The following PTPRK variants were observed in gnomAD, a reference collection of about 807,000 sequenced individuals.
PTPRK encodes the protein receptor-type tyrosine-protein phosphatase kappa.
Under a neutral mutation model 178.0 loss-of-function variants are expected in PTPRK, and 75 were observed. The observed-to-expected ratio is 0.42, with a 90% CI of 0.35 to 0.51. The LOEUF is 0.51. PTPRK is among the 20% of genes least tolerant of loss of function. The probability of loss-of-function intolerance (pLI) is 0.02; values close to 1 mark genes in which losing one functional copy is unlikely to be tolerated. For missense variants in PTPRK, 1,441 were observed against 1,797.8 expected (o/e 0.80, Z 3.59); for synonymous variants, 637 against 620.6 (o/e 1.03, Z -0.39).
Position 128,209,085 on chromosome 6 carries a change from C to G in PTPRK, c.868+9837G>C, listed in dbSNP as rs182585031. On this transcript the variant is annotated intron_variant, in intron 6 of 29. Coordinates refer to ENST00000368226, the MANE Select transcript of PTPRK (RefSeq NM_002844.4). ...TCATTCTTTCTACCATAACCACCCC[C>G]CCCAGGAACACTTATCACTTATCAT... 2.2e-4 allele frequency among the ~76,000 whole-genome samples: 34 copies of G among 152,098 alleles called. No homozygotes were observed. The East Asian group carries it at 6.6e-3, about 30-fold the overall frequency.
At chr6:128,314,746 G>T (rs1474116961) in intron 3 of PTPRK, among the ~76,000 whole-genome samples, 1 of 151,776 alleles carries the variant, frequency 6.6e-6, no homozygotes, top group Non-Finnish European at 1.5e-5. Context: ...ACATGAACAT[G>T]TGATAATGGA....
At chr6:128,477,937 T>A (rs1851574692) in intron 1 of PTPRK, among the ~76,000 whole-genome samples, 1 of 152,092 alleles carries the variant, frequency 6.6e-6, no homozygotes, top group African/African-American at 2.4e-5. Flanking sequence ...CATATGCCAT[T>A]GCCACTGCCA....
At chr6:128,248,297 A>G (rs1335700840) in intron 3 of PTPRK, among the ~76,000 whole-genome samples, 5 of 152,160 alleles carry the variant, frequency 3.3e-5, no homozygotes, top group African/African-American at 1.2e-4. Context: ...TACACATTAC[A>G]TATATGTGCA....
intron 1 of PTPRK, among the ~76,000 whole-genome samples, chr6:128,508,895 C>A (rs1187835771): frequency 6.8e-6 from 1 of 147,464 alleles, no homozygotes; most frequent in Non-Finnish European, 1.5e-5. Flanking sequence ...TGCGGTGAGC[C>A]AAGATCATGC....
intron 27 of PTPRK, 24 bp from the exon 28 acceptor site, chr6:127,973,851 T>C: frequency 6.3e-7 from 1 of 1,599,370 alleles, no homozygotes; most frequent in African/African-American, 1.3e-5. Context: ...TGTTTTTATG[T>C]AAATACGCTG....
intron 3 of PTPRK, among the ~76,000 whole-genome samples, chr6:128,318,200 T>C (rs940374257): frequency 1.3e-5 from 2 of 152,194 alleles, no homozygotes; most frequent in Non-Finnish European, 2.9e-5. Flanking sequence ...GAGTATGTTC[T>C]TCTTACACAG....
chr6:128,420,072 G>A (rs1389060199), intron 1 of PTPRK, among the ~76,000 whole-genome samples: 2 of 152,166 alleles, frequency 1.3e-5, no homozygotes, highest in African/African-American at 4.8e-5. Context: ...TATATTGTGA[G>A]TTTATATCAC....
At chr6:128,319,865 A>C (rs1305278528) in intron 3 of PTPRK, among the ~76,000 whole-genome samples, 1 of 152,204 alleles carries the variant, frequency 6.6e-6, no homozygotes, top group Non-Finnish European at 1.5e-5. Context: ...TAAATGATTA[A>C]ATTGATAAAA....
intron 3 of PTPRK, among the ~76,000 whole-genome samples, chr6:128,282,182 C>T (rs897737827): frequency 1.3e-5 from 2 of 152,264 alleles, no homozygotes; most frequent in Admixed American, 1.3e-4. Flanking sequence ...CTAAAGGAGA[C>T]AACTCTTCAG....
Position 128,441,459 on chromosome 6 carries a change from A to C in PTPRK, c.101-43771T>G, listed in dbSNP as rs1413856787. Among the ~76,000 whole-genome samples the C allele has an allele frequency of 5.9e-5, 9 of 152,264 alleles. No homozygotes were observed. The East Asian group carries it at 7.7e-4, about 13-fold the overall frequency. ...GTGCTCTTTTATTAATCAAAAAAAAAACAAAGATTAGAAAATTAAAACAAT... is the reference window on the plus strand; with the variant it reads ...GTGCTCTTTTATTAATCAAAAAAAACACAAAGATTAGAAAATTAAAACAAT... On this transcript the variant is annotated intron_variant, in intron 1 of 29. Transcript: ENST00000368226.
At chr6:128,464,656 T>TATATATATATAC (rs1849599393) in intron 1 of PTPRK, among the ~76,000 whole-genome samples, 1 of 102,776 alleles carries the variant, frequency 9.7e-6, no homozygotes, top group Admixed American at 9.1e-5. Flanking sequence ...TATATATATA[T>TATATATATATAC]ATATATATAT....
At chr6:128,096,146 C>T (rs1479128903) in intron 7 of PTPRK, among the ~76,000 whole-genome samples, 1 of 152,112 alleles carries the variant, frequency 6.6e-6, no homozygotes, top group Non-Finnish European at 1.5e-5. Context: ...AAAGAAGTAA[C>T]ATATCACTGC....
intron 6 of PTPRK, among the ~76,000 whole-genome samples, chr6:128,193,883 T>C (rs1562765648): frequency 6.6e-6 from 1 of 151,942 alleles, no homozygotes; most frequent in African/African-American, 2.4e-5. Context: ...GTTAGGTTCA[T>C]ATTTAGGGTG....
At chr6:128,493,454 T>G (rs1854161589) in intron 1 of PTPRK, among the ~76,000 whole-genome samples, 1 of 150,610 alleles carries the variant, frequency 6.6e-6, no homozygotes, top group Non-Finnish European at 1.5e-5. Flanking sequence ...CCCAGCTGCT[T>G]GGGAGGCTGA....
chr6:128,326,176 G>A (rs917996971), intron 2 of PTPRK, among the ~76,000 whole-genome samples: 1 of 152,088 alleles, frequency 6.6e-6, no homozygotes, highest in Non-Finnish European at 1.5e-5. Context: ...GGAGGCAAGG[G>A]GAGGGAGAGC....
chr6:128,392,278 T>C (rs1311626345), intron 2 of PTPRK, among the ~76,000 whole-genome samples: 1 of 152,122 alleles, frequency 6.6e-6, no homozygotes, highest in Non-Finnish European at 1.5e-5. Context: ...TTTTTTACTA[T>C]ATATACAGTG....
chr6:128,439,720 A>G (rs1846050067), intron 1 of PTPRK, among the ~76,000 whole-genome samples: 1 of 152,192 alleles, frequency 6.6e-6, no homozygotes, highest in Admixed American at 6.5e-5. Context: ...GAAAGTGAAA[A>G]TGCAGTTGCA....
intron 6 of PTPRK, among the ~76,000 whole-genome samples, chr6:128,197,109 C>T (rs907978487): frequency 5.3e-5 from 8 of 151,602 alleles, no homozygotes; most frequent in Admixed American, 1.3e-4. Flanking sequence ...GAGAGATCTC[C>T]ATATTGTAAC....
chr6:128,338,423 A>G (rs1429501716), intron 2 of PTPRK, among the ~76,000 whole-genome samples: 4 of 152,204 alleles, frequency 2.6e-5, no homozygotes, highest in Non-Finnish European at 4.4e-5. Context: ...CCATTCCCTG[A>G]GCCATGGTAC....
Sources: allele counts gnomAD v4.1 joint callset (sites outside exome capture counted in the v4.1 genomes callset), GRCh38; gene constraint gnomAD v4.1.1; transcripts MANE v1.5; gene names NCBI Gene and HGNC (gene_info 2026-07-23, HGNC 2026-07-21).